KIF26A: variants seen among roughly 807,000 people sequenced by gnomAD.
KIF26A encodes the protein kinesin-like protein KIF26A.
Under a neutral mutation model 126.0 loss-of-function variants are expected in KIF26A, and 74 were observed. That is an observed-to-expected ratio of 0.59 (90% CI 0.49 to 0.71). The LOEUF (loss-of-function observed/expected upper bound fraction) is 0.71. KIF26A is among the 30% of genes least tolerant of loss of function. The probability of loss-of-function intolerance (pLI) is 0.00; values close to 1 mark genes in which losing one functional copy is unlikely to be tolerated. For synonymous variants in KIF26A, 1,445 were observed against 1,232.7 expected, an observed-to-expected ratio of 1.17 and a Z score of -3.61; for missense variants, 2,984 against 2,763.3, an observed-to-expected ratio of 1.08 and a Z score of -1.79.
chr14:104,168,526 C>G (rs376949622), intron 5 of KIF26A, among the ~76,000 whole-genome samples: 50 of 152,204 alleles, frequency 3.3e-4, no homozygotes, highest in African/African-American at 1.2e-3. Context: ...CATGGCGGGT[C>G]CGGGTGGGGG....
At position 104,176,303 on chromosome 14, in the gene KIF26A, C is replaced by T. The variant is rs375413077; in HGVS notation, c.3515C>T (p.Thr1172Ile). Residue 1172 changes from threonine (T) to isoleucine (I), a missense_variant, in exon 12 of 15, where the codon ACC becomes ATC. Thr to Ile is a moderately conservative substitution (Grantham distance 89). Transcript: ENST00000423312. Reference sequence around the variant, plus strand: ...GACAGACCTGACAGTCCTGGGCCAACCTGGGGTCCGTGCCCTGGGGAAGTG... The same window carrying T: ...GACAGACCTGACAGTCCTGGGCCAATCTGGGGTCCGTGCCCTGGGGAAGTG... Reference protein sequence around the residue: ...GPDRPDSPGPTWGPCPGEVAA... With the variant: ...GPDRPDSPGPIWGPCPGEVAA... 9.5e-6 allele frequency: 15 copies of T among 1,584,734 alleles called. No individual in the cohort carries two copies. The African/African-American group carries it at 1.7e-4, about 18-fold the overall frequency.
intron 5 of KIF26A, among the ~76,000 whole-genome samples, chr14:104,170,671 G>A (rs1288712478): frequency 6.6e-6 from 1 of 152,260 alleles, no homozygotes; most frequent in Admixed American, 6.5e-5. Flanking sequence ...CTGGTTCAGG[G>A]TGGCCCTCGT....
chr14:104,139,337 A>G lies in KIF26A; in HGVS notation c.288+49A>G, dbSNP rs573076340. ...ACCCCTCCGAGCAGGGCCACGCCGA[A>G]CTTGGGTAGAACTTGGGGCTTGGAG... On this transcript the variant is annotated intron_variant, in intron 2 of 14. Coordinates refer to ENST00000423312, the MANE Select transcript of KIF26A (RefSeq NM_015656.2). The G allele has an allele frequency of 1.8e-3, 2,562 of 1,385,660 alleles. 4 individuals are homozygous for G. The highest frequency in any genetic ancestry group is 1.8e-3 in the Non-Finnish European group (1,880 of 1,064,602). 85.8% of individuals were successfully genotyped at this position (1,385,660 alleles called of 1,614,324 possible).
In KIF26A at chr14:104,174,284, C is replaced by T; in HGVS notation, c.2167C>T (p.His723Tyr). ...LSTVQLAARI[H>Y]RLRRKKAKYA... is the part of the protein sequence containing the mutation. ...CACCGTGCAGCTCGCCGCCCGCATC[C>T]ACCGCCTGCGCAGGAAGAAGGCCAA... Residue 723 changes from histidine (H) to tyrosine (Y), a missense_variant, in exon 11 of 15, where the codon CAC becomes TAC. Coordinates refer to ENST00000423312, the MANE Select transcript of KIF26A (RefSeq NM_015656.2). 6.4e-7 allele frequency: 1 copy of T among 1,558,610 alleles called. No homozygotes were observed. The highest frequency in any genetic ancestry group is 8.7e-7 in the Non-Finnish European group (1 of 1,152,466).
At position 104,138,745 on chromosome 14, in the gene KIF26A, T is replaced by C; in HGVS notation, c.23T>C (p.Leu8Pro). Residue 8 changes from leucine (L) to proline (P), a missense_variant, in exon 1 of 15, where the codon CTG becomes CCG. Leu to Pro is a moderately conservative substitution (Grantham distance 98, BLOSUM62 -3). Coordinates refer to ENST00000423312, the MANE Select transcript of KIF26A (RefSeq NM_015656.2). MVGRGVP[L>P]CAAQPAVAEG... is the part of the protein sequence containing the mutation. ...GCCATGGTCGGCCGCGGCGTCCCTC[T>C]GTGCGCTGCGCAGCCCGCGGTACGC... The C allele has an allele frequency of 7.9e-7, 1 of 1,270,756 alleles. No individual in the cohort carries two copies. The highest frequency in any genetic ancestry group is 9.9e-7 in the Non-Finnish European group (1 of 1,011,084). The allele number at this position is 1,270,756 out of a possible 1,614,324, so 78.7% of individuals were successfully genotyped here. A position where few individuals can be genotyped will look rare whatever the true frequency, so the allele number is the denominator to read the frequency against.
intron 4 of KIF26A, among the ~76,000 whole-genome samples, chr14:104,162,852 G>A (rs114809361): frequency 0.012 from 1,787 of 152,254 alleles, 45 homozygotes; most frequent in African/African-American, 0.041. Flanking sequence ...CGTGGGGACC[G>A]TCCTCAGCCC....
At chr14:104,147,611 G>GC (rs1236152391) in intron 2 of KIF26A, among the ~76,000 whole-genome samples, 1 of 152,162 alleles carries the variant, frequency 6.6e-6, no homozygotes, top group Admixed American at 6.5e-5. Context: ...CCCGCTCCTT[G>GC]CCCCCCGCCC....
intron 2 of KIF26A, among the ~76,000 whole-genome samples, chr14:104,140,536 G>T (rs2037628140): frequency 6.6e-6 from 1 of 152,212 alleles, no homozygotes; most frequent in Admixed American, 6.5e-5. Flanking sequence ...CTCATTCTTG[G>T]AGTGGGCTTG....
intron 4 of KIF26A, among the ~76,000 whole-genome samples, chr14:104,165,574 CATGT>C (rs1233970360): frequency 3.0e-5 from 4 of 133,036 alleles, no homozygotes; most frequent in Admixed American, 2.2e-4. Flanking sequence ...TTTCTGTATG[CATGT>C]GTGTGTCTGT....
rs376026715 is a variant in KIF26A, at chr14:104,153,973, G to A, written c.735+1512G>A. Among the ~76,000 whole-genome samples the A allele has an allele frequency of 3.5e-4, 53 of 152,346 alleles. No homozygotes were observed. The South Asian group carries it at 0.011, about 32-fold the overall frequency. ...TATGTGCACATTGATCGTGGCCAGG[G>A]TGGGTGGGAATGGATTTATAATTAG... On this transcript the variant is annotated intron_variant, in intron 3 of 14. Coordinates refer to ENST00000423312, the MANE Select transcript of KIF26A (RefSeq NM_015656.2).
chr14:104,158,054 T>C (rs2037799466), intron 4 of KIF26A, 112 bp downstream of exon 4: 3 of 1,023,930 alleles, frequency 2.9e-6, no homozygotes, highest in African/African-American at 3.4e-5. Flanking sequence ...TGCTTGCTGC[T>C]GAGACGAGTG....
intron 4 of KIF26A, among the ~76,000 whole-genome samples, chr14:104,162,019 A>G (rs10137354): frequency 0.51 from 77,418 of 151,960 alleles, 20,196 homozygotes; most frequent in African/African-American, 0.63. Context: ...TGGGCCCTCA[A>G]GGGCTGTTGA....
At chr14:104,157,979 G>A (rs117488690) in intron 4 of KIF26A, 37 bp downstream of exon 4, 17,794 of 1,464,070 alleles carry the variant, frequency 0.012, 144 homozygotes, top group Middle Eastern at 0.019. Flanking sequence ...CTTGTGGGCA[G>A]GGCCCCATGG....
At chr14:104,164,927 C>T (rs1596142299) in intron 4 of KIF26A, among the ~76,000 whole-genome samples, 1 of 150,412 alleles carries the variant, frequency 6.6e-6, no homozygotes, top group East Asian at 2.0e-4. Context: ...CTGTGTGTGT[C>T]TCTATGTCTC....
intron 2 of KIF26A, among the ~76,000 whole-genome samples, chr14:104,140,427 C>A (rs1025739733): frequency 6.6e-6 from 1 of 152,178 alleles, no homozygotes; most frequent in Non-Finnish European, 1.5e-5. Context: ...CCCTTGAGGG[C>A]CCCCTGGAGA....
At position 104,157,807 on chromosome 14, in the gene KIF26A, C is replaced by A; in HGVS notation, c.788C>A (p.Pro263His). 1 of 1,609,972 alleles carries A rather than the reference C, an allele frequency of 6.2e-7. No homozygotes were observed. Residue 263 changes from proline to histidine, a missense_variant, in exon 4 of 15, where the codon CCC becomes CAC. Pro to His is a moderately conservative substitution (Grantham distance 77). Transcript: ENST00000423312. The part of the protein sequence containing the change: ...VAVADTVREC[P>H]PVAGPDGLSK... ...GTGGCAGACACGGTCCGAGAATGCC[C>A]CCCCGTGGCCGGCCCTGATGGCTTG... is the stretch of plus-strand genomic sequence containing the variant.
At chr14:104,158,426 G>A (rs762340480) in intron 4 of KIF26A, among the ~76,000 whole-genome samples, 37 of 152,366 alleles carry the variant, frequency 2.4e-4, no homozygotes, top group Non-Finnish European at 4.1e-4. Flanking sequence ...CTGGGGCCAC[G>A]GAGAGGACAA....
intron 4 of KIF26A, among the ~76,000 whole-genome samples, chr14:104,158,200 C>T (rs113921677): frequency 6.6e-6 from 1 of 152,236 alleles, no homozygotes; most frequent in Non-Finnish European, 1.5e-5. Flanking sequence ...CAGGACCCTG[C>T]CTGAGTTGGA....
chr14:104,162,129 G>A (rs2037838811), intron 4 of KIF26A, among the ~76,000 whole-genome samples: 1 of 152,224 alleles, frequency 6.6e-6, no homozygotes, highest in Admixed American at 6.5e-5. Flanking sequence ...CTGGGGCCTC[G>A]TTAATGCAGT....
Sources: gnomAD v4.1 joint callset for allele counts (sites outside exome capture counted in the v4.1 genomes callset) on GRCh38, gnomAD v4.1.1 for gene constraint, MANE v1.5 for transcripts, NCBI Gene and HGNC (gene_info 2026-07-23, HGNC 2026-07-21) for gene names.